The following PCDH15 variants were observed in gnomAD, a reference collection of about 807,000 sequenced individuals.
The protein encoded by PCDH15 is protocadherin related 15, also known as protocadherin-15.
PCDH15 carries 129 observed loss-of-function variants against 178.5 expected under a neutral mutation model. The observed-to-expected ratio is 0.72, with a 90% CI of 0.63 to 0.84. The LOEUF is 0.84. Among genes scored for constraint, PCDH15 ranks in the 40% least tolerant of loss-of-function variants. The pLI, the probability that PCDH15 is intolerant of heterozygous loss-of-function variation, is 0.00. For synonymous variants in PCDH15, 800 were observed against 732.0 expected, an observed-to-expected ratio of 1.09 and a Z score of -1.50; for missense variants, 2,230 against 2,099.9, an observed-to-expected ratio of 1.06 and a Z score of -1.21.
intron 18 of PCDH15, among the ~76,000 whole-genome samples, chr10:54,048,488 G>A (rs2093700177): frequency 6.6e-6 from 1 of 152,118 alleles, no homozygotes; most frequent in Non-Finnish European, 1.5e-5. Context: ...CTGATGTCCA[G>A]AATGATATTT....
At chr10:54,969,240 C>T (rs1755652596) in intron 2 of PCDH15, among the ~76,000 whole-genome samples, 2 of 152,128 alleles carry the variant, frequency 1.3e-5, no homozygotes, top group South Asian at 2.1e-4. Context: ...AGGAGAGAGG[C>T]ACATTACTTG....
chr10:54,395,662 A>C (rs961507537), intron 3 of PCDH15, among the ~76,000 whole-genome samples: 21 of 151,712 alleles, frequency 1.4e-4, no homozygotes, highest in Non-Finnish European at 2.9e-4. Context: ...ATGCACACAC[A>C]CAAACACACA....
chr10:55,253,381 C>T (rs192595263), intron 1 of PCDH15, among the ~76,000 whole-genome samples: 4 of 152,030 alleles, frequency 2.6e-5, no homozygotes, highest in Admixed American at 1.3e-4. Flanking sequence ...CCTGTCGTTT[C>T]TCATATCTGT....
At chr10:53,974,790 C>A (rs1321462218) in intron 21 of PCDH15, among the ~76,000 whole-genome samples, 1 of 151,816 alleles carries the variant, frequency 6.6e-6, no homozygotes, top group African/African-American at 2.4e-5. Flanking sequence ...TAAATTTCAA[C>A]TTTTATTTTA....
chr10:54,315,936 T>TTTTG (rs929317654), intron 8 of PCDH15, among the ~76,000 whole-genome samples: 2 of 47,258 alleles, frequency 4.2e-5, no homozygotes, highest in Non-Finnish European at 1.2e-4. Context: ...TGTGTGTTTT[T>TTTTG]TTTGTTTGTT....
intron 10 of PCDH15, among the ~76,000 whole-genome samples, chr10:54,199,620 C>A (rs1198835184): frequency 1.4e-5 from 2 of 147,138 alleles, no homozygotes; most frequent in African/African-American, 5.0e-5. Flanking sequence ...TTAGTGGGCC[C>A]ATGCATCAAA....
At chr10:54,684,830 T>C (rs1027693211) in intron 1 of PCDH15, among the ~76,000 whole-genome samples, 19 of 152,040 alleles carry the variant, frequency 1.2e-4, no homozygotes, top group Non-Finnish European at 2.4e-4. Flanking sequence ...TGTATTAGAA[T>C]AGAATGTCTG....
At chr10:54,250,477 G>T (rs1024428490) in intron 8 of PCDH15, among the ~76,000 whole-genome samples, 2 of 151,112 alleles carry the variant, frequency 1.3e-5, no homozygotes, top group Admixed American at 1.3e-4. Flanking sequence ...TAGAGACAGG[G>T]TTTCATCACT....
At chr10:54,417,197 T>C (rs1476942334) in intron 3 of PCDH15, among the ~76,000 whole-genome samples, 1 of 152,140 alleles carries the variant, frequency 6.6e-6, no homozygotes, top group African/African-American at 2.4e-5. Context: ...GCAACCAAAA[T>C]TTTTTAGTGT....
chr10:54,602,566 G>T (rs914747477), intron 2 of PCDH15, among the ~76,000 whole-genome samples: 3 of 151,816 alleles, frequency 2.0e-5, no homozygotes, highest in Admixed American at 6.6e-5. Context: ...AGGCTTTTGG[G>T]TTTTCCCCAT....
chr10:54,319,820 T>C (rs1386283873), intron 7 of PCDH15, among the ~76,000 whole-genome samples: 2 of 151,942 alleles, frequency 1.3e-5, no homozygotes, highest in East Asian at 1.9e-4. Context: ...ACATGGTTAA[T>C]AGTACATTTT....
chr10:54,535,709 CAAAA>C (rs71010382), intron 2 of PCDH15, among the ~76,000 whole-genome samples: 4 of 42,618 alleles, frequency 9.4e-5, no homozygotes, highest in Non-Finnish European at 1.2e-4. Flanking sequence ...GACTCCACCT[CAAAA>C]AAAAAAAAAA....
At chr10:54,030,346 C>A (rs531821271) in intron 18 of PCDH15, among the ~76,000 whole-genome samples, 30 of 146,192 alleles carry the variant, frequency 2.1e-4, no homozygotes, top group African/African-American at 7.6e-4. Flanking sequence ...TATCTATTAA[C>A]TTCAAAAAGA....
chr10:54,908,828 C>T (rs1954770153), intron 2 of PCDH15, among the ~76,000 whole-genome samples: 1 of 151,222 alleles, frequency 6.6e-6, no homozygotes. Flanking sequence ...TTCCGTTAGG[C>T]AGGTCATCCC....
intron 2 of PCDH15, among the ~76,000 whole-genome samples, chr10:54,958,142 T>C (rs190725771): frequency 1.3e-5 from 2 of 152,020 alleles, no homozygotes; most frequent in Admixed American, 1.3e-4. Flanking sequence ...GAAGATGCTA[T>C]ATAAGCTAAA....
intron 8 of PCDH15, among the ~76,000 whole-genome samples, chr10:54,285,322 G>GTATCAGTAA (rs1054720227): frequency 6.6e-6 from 1 of 150,416 alleles, no homozygotes; most frequent in Non-Finnish European, 1.5e-5. Flanking sequence ...TCCAAACCAT[G>GTATCAGTAA]TATCAGATAA....
chr10:55,282,013 T>C (rs1247280902), intron 1 of PCDH15, among the ~76,000 whole-genome samples: 5 of 152,224 alleles, frequency 3.3e-5, no homozygotes, highest in Non-Finnish European at 7.3e-5. Context: ...ATAACTATTA[T>C]ATCCATATTG....
At chr10:53,821,057 C>T (rs917036955) in intron 32 of PCDH15, 4 of 946,022 alleles carry the variant, frequency 4.2e-6, no homozygotes, top group Non-Finnish European at 5.0e-6. Flanking sequence ...TTAAACAGCA[C>T]TTTTTAAGCA....
intron 25 of PCDH15, among the ~76,000 whole-genome samples, chr10:53,929,854 T>C (rs1363189428): frequency 6.6e-6 from 1 of 152,222 alleles, no homozygotes; most frequent in Non-Finnish European, 1.5e-5. Context: ...TTTTTTCATG[T>C]TTAAAGATAA....
Sources: gnomAD v4.1 joint callset for allele counts (sites outside exome capture counted in the v4.1 genomes callset) on GRCh38, gnomAD v4.1.1 for gene constraint, MANE v1.5 for transcripts, NCBI Gene and HGNC (gene_info 2026-07-23, HGNC 2026-07-21) for gene names.